NLGN4X: variants seen among roughly 807,000 people sequenced by gnomAD.
The protein encoded by NLGN4X is neuroligin 4 X-linked.
Under a neutral mutation model 40.3 loss-of-function variants are expected in NLGN4X, and 3 were observed. The observed-to-expected ratio is 0.07, with a 90% confidence interval of 0.03 to 0.19. The LOEUF (loss-of-function observed/expected upper bound fraction) is 0.19. Among genes scored for constraint, NLGN4X ranks in the 10% least tolerant of loss-of-function variants. The pLI is 1.00. For synonymous variants in NLGN4X, 270 were observed against 306.8 expected, an observed-to-expected ratio of 0.88 and a Z score of 1.25; for missense variants, 382 against 708.3, an observed-to-expected ratio of 0.54 and a Z score of 5.23.
chrX:6,107,574 A>T, intron 2 of NLGN4X, among the ~76,000 whole-genome samples: 1 of 111,470 alleles, frequency 9.0e-6, no homozygotes, highest in East Asian at 2.8e-4. Context: ...ATTTGGATTC[A>T]GGGGTGCATG....
chrX:6,046,515 T>C (rs2037322094), intron 2 of NLGN4X, among the ~76,000 whole-genome samples: 1 of 111,470 alleles, frequency 9.0e-6, no homozygotes, highest in African/African-American at 3.2e-5. Flanking sequence ...ACAAAATAAA[T>C]ATGAATTAAT....
chrX:6,030,712 T>C (rs780444930), intron 2 of NLGN4X, among the ~76,000 whole-genome samples: 1 of 111,638 alleles, frequency 9.0e-6, no homozygotes, highest in African/African-American at 3.2e-5. Flanking sequence ...TTTGCAGATA[T>C]TTAATCCACG....
intron 3 of NLGN4X, among the ~76,000 whole-genome samples, chrX:5,997,863 T>C (rs1363429059): frequency 9.1e-6 from 1 of 110,177 alleles, no homozygotes. Flanking sequence ...AAAGAAAACA[T>C]TGTGTGATGT....
intron 3 of NLGN4X, among the ~76,000 whole-genome samples, chrX:5,934,271 G>C (rs761599268): frequency 1.9e-4 from 21 of 111,662 alleles, no homozygotes; most frequent in African/African-American, 6.8e-4. Context: ...ATAGTTCATT[G>C]TGTGTGCTTA....
At chrX:5,930,770 T>C (rs984593027) in intron 3 of NLGN4X, among the ~76,000 whole-genome samples, 6 of 112,439 alleles carry the variant, frequency 5.3e-5, no homozygotes, top group Non-Finnish European at 1.1e-4. Context: ...ATATCCACCT[T>C]TGCAAAGAGA....
At chrX:6,073,047 C>T (rs1489353487) in intron 2 of NLGN4X, among the ~76,000 whole-genome samples, 5 of 112,271 alleles carry the variant, frequency 4.5e-5, no homozygotes. Flanking sequence ...TGACACCTTG[C>T]TTAAAATATT....
At chrX:6,179,065 C>T (rs1170460618) in intron 1 of NLGN4X, among the ~76,000 whole-genome samples, 3 of 46,728 alleles carry the variant, frequency 6.4e-5, no homozygotes, top group Non-Finnish European at 3.8e-5. Flanking sequence ...TACTACTACA[C>T]TCCAGCCTGA....
At chrX:6,126,035 T>C (rs1211830179) in intron 2 of NLGN4X, among the ~76,000 whole-genome samples, 1 of 111,018 alleles carries the variant, frequency 9.0e-6, no homozygotes, top group Non-Finnish European at 1.9e-5. Context: ...AAATTGAATA[T>C]ATATTTAAAA....
At chrX:6,187,384 A>T (rs1398793937) in intron 1 of NLGN4X, 1 of 109,047 alleles carries the variant, frequency 9.2e-6, no homozygotes, top group Non-Finnish European at 1.9e-5. Context: ...GAGGCCAGGG[A>T]ATGGCGTGAA....
intron 2 of NLGN4X, among the ~76,000 whole-genome samples, chrX:6,038,008 G>C (rs2037064109): frequency 8.9e-6 from 1 of 111,813 alleles, no homozygotes; most frequent in Non-Finnish European, 1.9e-5. Flanking sequence ...TCCCGACTAA[G>C]ACAGGTAATG....
Position 5,925,891 on chromosome X carries a change from T to TATATATATACATACAC in NLGN4X, c.626-16653_626-16652insGTGTATGTATATATAT, listed in dbSNP as rs2033278889. Among the ~76,000 whole-genome samples the TATATATATACATACAC allele has an allele frequency of 2.5e-4, 3 of 12,069 alleles. No individual in the cohort carries two copies. In the African/African-American group the frequency reaches 2.6e-3, roughly 11 times the overall value. The allele number at this position is 12,069 out of a possible 115,157, so 10.5% of individuals were successfully genotyped here. ...ATATATACATACACACATATATATA[T>TATATATATACATACAC]ATATATATATATATATATATATATA... is the stretch of plus-strand genomic sequence containing the variant. On this transcript the variant is annotated intron_variant, in intron 3 of 5. Transcript: ENST00000381095.
At chrX:6,218,474 C>CTACACACACA (rs1556012458) in intron 1 of NLGN4X, among the ~76,000 whole-genome samples, 44 of 46,986 alleles carry the variant, frequency 9.4e-4, no homozygotes, top group African/African-American at 2.9e-3. Flanking sequence ...GAGATTAAAC[C>CTACACACACA]CACACACACA....
intron 2 of NLGN4X, among the ~76,000 whole-genome samples, chrX:6,042,840 C>T (rs1156906085): frequency 9.8e-6 from 1 of 101,808 alleles, no homozygotes; most frequent in African/African-American, 3.6e-5. Context: ...CTTTGGGAGG[C>T]CAGGGCAGGC....
intron 3 of NLGN4X, among the ~76,000 whole-genome samples, chrX:6,024,002 A>C (rs11094951): frequency 0.32 from 35,049 of 110,533 alleles, 4,944 homozygotes; most frequent in Middle Eastern, 0.6. Context: ...ACAACAACAA[A>C]AAAAAAACAG....
chrX:6,066,758 C>G (rs1191925768), intron 2 of NLGN4X, among the ~76,000 whole-genome samples: 1 of 110,658 alleles, frequency 9.0e-6, no homozygotes, highest in Admixed American at 9.6e-5. Flanking sequence ...GCACTCCAGC[C>G]TGGGTGACAG....
intron 2 of NLGN4X, among the ~76,000 whole-genome samples, chrX:6,078,980 C>A (rs1326705549): frequency 8.9e-6 from 1 of 111,743 alleles, no homozygotes; most frequent in Admixed American, 9.5e-5. Flanking sequence ...CCTTGCTCAG[C>A]ACTTCTCTCC....
chrX:6,158,952 T>C lies in NLGN4X; in HGVS notation c.-305-7181A>G, dbSNP rs139805120. On this transcript the variant is annotated intron_variant, in intron 1 of 5. Transcript: ENST00000381095. ...GAGGATAAATAAGCCCCAATTATAATTGCAAAAAATATTGCCACAATCCAG... is the reference window on the plus strand; with the variant it reads ...GAGGATAAATAAGCCCCAATTATAACTGCAAAAAATATTGCCACAATCCAG... Among the ~76,000 whole-genome samples, 72 of 111,737 alleles carry C rather than the reference T, an allele frequency of 6.4e-4. 1 individual carries two copies. Among genetic ancestry groups the C allele is most frequent in the African/African-American group, 2.0e-3 (63 of 30,787 alleles).
At chrX:6,086,909 C>T (rs748224320) in intron 2 of NLGN4X, among the ~76,000 whole-genome samples, 2 of 111,749 alleles carry the variant, frequency 1.8e-5, no homozygotes, top group East Asian at 5.7e-4. Flanking sequence ...GCTGCAGTCA[C>T]AGGTGTGACT....
chrX:5,899,266 G>C (rs769915735), intron 5 of NLGN4X, among the ~76,000 whole-genome samples: 2 of 111,835 alleles, frequency 1.8e-5, no homozygotes, highest in South Asian at 3.8e-4. Context: ...AAAAATAGAG[G>C]CTTCAGACGG....
Sources: gnomAD v4.1 joint callset for allele counts (sites outside exome capture counted in the v4.1 genomes callset) on GRCh38, gnomAD v4.1.1 for gene constraint, MANE v1.5 for transcripts, NCBI Gene and HGNC (gene_info 2026-07-23, HGNC 2026-07-21) for gene names.